IQANK1: variants seen among roughly 807,000 people sequenced by gnomAD.
IQANK1 encodes IQ motif and ankyrin repeat containing 1.
IQANK1 carries 30 observed loss-of-function variants against 22.6 expected under a neutral mutation model. The ratio of observed to expected loss-of-function variants is 1.33; its 90% CI spans 0.99 to 1.80. The LOEUF (loss-of-function observed/expected upper bound fraction) is 1.80. Ranked by LOEUF, IQANK1 falls within the 40% of genes most tolerant of loss-of-function variation. The probability of loss-of-function intolerance (pLI) is 0.00; values close to 1 mark genes in which losing one functional copy is unlikely to be tolerated. For missense variants in IQANK1, 275 were observed against 235.2 expected (o/e 1.17, Z -1.11); for synonymous variants, 122 against 99.6 (o/e 1.23, Z -1.34).
At chr8:143,742,035 G>A (rs548539222) in intron 3 of IQANK1, 236 of 287,480 alleles carry the variant, frequency 8.2e-4, no homozygotes, top group Admixed American at 2.2e-3. Context: ...CAGTCGTGAT[G>A]TCCACGAGCC....
intron 7 of IQANK1, among the ~76,000 whole-genome samples, chr8:143,776,503 G>A (rs1315624710): frequency 6.6e-6 from 1 of 152,116 alleles, no homozygotes; most frequent in Non-Finnish European, 1.5e-5. Flanking sequence ...CTGAAAATAA[G>A]CAAAGTGAGC....
chr8:143,734,753 A>C (rs1291001374), intron 1 of IQANK1, among the ~76,000 whole-genome samples: 1 of 151,936 alleles, frequency 6.6e-6, no homozygotes, highest in East Asian at 1.9e-4. Flanking sequence ...CCCTGTGTAC[A>C]CACAGGGACT....
intron 3 of IQANK1, among the ~76,000 whole-genome samples, chr8:143,756,047 A>C (rs1554628435): frequency 6.6e-6 from 1 of 152,156 alleles, no homozygotes. Context: ...CTCTTGGTAC[A>C]TCTCCCCAAA....
chr8:143,737,927 G>A (rs374372266), intron 2 of IQANK1, among the ~76,000 whole-genome samples: 34 of 152,334 alleles, frequency 2.2e-4, no homozygotes, highest in African/African-American at 7.5e-4. Flanking sequence ...GGCCGGCATG[G>A]GGTCCCCTGC....
chr8:143,738,170 G>C (rs912064042), intron 2 of IQANK1, among the ~76,000 whole-genome samples: 1 of 152,148 alleles, frequency 6.6e-6, no homozygotes, highest in East Asian at 1.9e-4. Flanking sequence ...CTGCCCAGCT[G>C]CCGGCTGGGC....
Position 143,751,689 on chromosome 8 carries a change from C to G in IQANK1, c.175+11741C>G, listed in dbSNP as rs962554984. 2.1e-3 allele frequency among the ~76,000 whole-genome samples: 108 copies of G among 50,252 alleles called. 2 individuals carry two copies. Among genetic ancestry groups the G allele is most frequent in the African/African-American group, 4.4e-3 (103 of 23,458 alleles). The allele number at this position is 50,252 out of a possible 152,430, so 33.0% of individuals were successfully genotyped here. On this transcript the variant is annotated intron_variant, in intron 3 of 13. Coordinates refer to ENST00000527139, the MANE Select transcript of IQANK1 (RefSeq NM_001381874.1). ...GTATATATATATATAAAATCCTATA[C>G]AAAACAGACATAGACTTAGAAGTTA... is the stretch of plus-strand genomic sequence containing the variant.
intron 3 of IQANK1, among the ~76,000 whole-genome samples, chr8:143,764,932 C>T (rs1356128236): frequency 6.6e-6 from 1 of 152,110 alleles, no homozygotes; most frequent in Non-Finnish European, 1.5e-5. Context: ...CACATGTCAC[C>T]AACACTATTG....
In IQANK1 at chr8:143,790,142, CTCT is replaced by C. The variant is rs1302625761; in HGVS notation, c.1297_1299del (p.Leu433del). On this transcript the variant is annotated inframe_deletion, in exon 13 of 14. Coordinates refer to ENST00000527139, the MANE Select transcript of IQANK1 (RefSeq NM_001381874.1). ...GACCTGATGGGTGTCCCCAGGTGGC[CTCT>C]TGTTATTGACCCTTTGGGCCAGGCG... 1 of 1,231,954 alleles carries C rather than the reference CTCT, an allele frequency of 8.1e-7. No homozygotes were observed. The highest frequency in any genetic ancestry group is 1.0e-6 in the Non-Finnish European group (1 of 987,996). 76.3% of individuals were successfully genotyped at this position (1,231,954 alleles called of 1,614,324 possible). A position where few individuals can be genotyped will look rare whatever the true frequency, so the allele number is the denominator to read the frequency against.
intron 7 of IQANK1, among the ~76,000 whole-genome samples, chr8:143,785,024 C>G (rs1554631202): frequency 6.6e-6 from 1 of 152,142 alleles, no homozygotes; most frequent in Non-Finnish European, 1.5e-5. Context: ...AATCCATGCA[C>G]TTTGTCCTTA....
At chr8:143,740,021 G>A in intron 3 of IQANK1, 73 bp downstream of exon 3, 1 of 634,310 alleles carries the variant, frequency 1.6e-6, no homozygotes, top group Non-Finnish European at 2.9e-6. Flanking sequence ...CCTGGCCCGG[G>A]ACACGCTCAG....
chr8:143,742,104 C>T, intron 3 of IQANK1: 1 of 342,586 alleles, frequency 2.9e-6, no homozygotes, highest in Non-Finnish European at 5.8e-6. Context: ...GATGCAGAAC[C>T]TCCCTTTGAG....
At chr8:143,734,945 A>G (rs1818689978) in intron 1 of IQANK1, among the ~76,000 whole-genome samples, 1 of 150,314 alleles carries the variant, frequency 6.7e-6, no homozygotes, top group Admixed American at 6.7e-5. Context: ...GCCCTGCCCT[A>G]CACTGGATCA....
chr8:143,735,264 C>A lies in IQANK1; in HGVS notation c.-4-586C>A, dbSNP rs1228905487. ...GACAGGCTGGGGCAGGCAGGAGGAG[C>A]CTCCCAGGGAAATGAACTTGGGGGT... is the stretch of plus-strand genomic sequence containing the variant. On this transcript the variant is annotated intron_variant, in intron 1 of 13. Transcript: ENST00000527139. The surrounding 1 kb of genome is among the most constrained non-coding windows in gnomAD (Gnocchi z 5.2). 3.3e-5 allele frequency among the ~76,000 whole-genome samples: 5 copies of A among 152,134 alleles called. No individual in the cohort carries two copies. Among genetic ancestry groups the A allele is most frequent in the African/African-American group, 1.2e-4 (5 of 41,422 alleles).
rs539895112 is a variant in IQANK1 at position 143,764,573 on chromosome 8, G to C, written c.176-6915G>C. ...GCCGTGATGGCGTCACTGCACTCCA[G>C]CCTCAGTAACAAAGCAAGACCCTGT... On this transcript the variant is annotated intron_variant, in intron 3 of 13. Coordinates refer to ENST00000527139, the MANE Select transcript of IQANK1 (RefSeq NM_001381874.1). 3.9e-4 allele frequency among the ~76,000 whole-genome samples: 59 copies of C among 152,068 alleles called. 1 individual carries two copies. The highest frequency in any genetic ancestry group is 1.4e-3 in the African/African-American group (56 of 41,460).
intron 3 of IQANK1, among the ~76,000 whole-genome samples, chr8:143,753,310 G>A (rs1819231828): frequency 1.3e-5 from 2 of 151,638 alleles, no homozygotes; most frequent in Non-Finnish European, 2.9e-5. Flanking sequence ...CACCGCACCT[G>A]GCCTTTTTGT....
chr8:143,770,819 C>G (rs1819557362), intron 3 of IQANK1, among the ~76,000 whole-genome samples: 1 of 152,268 alleles, frequency 6.6e-6, no homozygotes, highest in African/African-American at 2.4e-5. Context: ...CTGCAGGTAT[C>G]GTTCCACGTT....
chr8:143,735,985 C>G lies in IQANK1; in HGVS notation c.85+47C>G. 1 of 701,816 alleles carries G rather than the reference C, an allele frequency of 1.4e-6. No individual in the cohort carries two copies. Among genetic ancestry groups the G allele is most frequent in the Non-Finnish European group, 2.6e-6 (1 of 384,444 alleles). 43.5% of individuals were successfully genotyped at this position (701,816 alleles called of 1,614,324 possible). A position where few individuals can be genotyped will look rare whatever the true frequency, so the allele number is the denominator to read the frequency against. On this transcript the variant is annotated intron_variant, in intron 2 of 13. Transcript: ENST00000527139. The surrounding 1 kb of genome is among the most constrained non-coding windows in gnomAD (Gnocchi z 5.2). ...CAGAGCACTGTCACCCAGACACTGA[C>G]CTGTGAGACCTTCTATGTAGCCACC...
chr8:143,748,752 C>CATATAAATATATATAAT (rs1181229817), intron 3 of IQANK1, among the ~76,000 whole-genome samples: 1 of 86,582 alleles, frequency 1.2e-5, no homozygotes, highest in African/African-American at 5.7e-5. Context: ...AAATATATAT[C>CATATAAATATATATAAT]ATATAAATAT....
Position 143,788,950 on chromosome 8 carries a change from C to T in IQANK1, c.825C>T (p.Arg275=), listed in dbSNP as rs1205251094. 2 of 399,198 alleles carry T rather than the reference C, an allele frequency of 5.0e-6. No homozygotes were observed. The highest frequency in any genetic ancestry group is 4.1e-5 in the African/African-American group (2 of 48,652). The allele number at this position is 399,198 out of a possible 1,614,324, so 24.7% of individuals were successfully genotyped here. A position where few individuals can be genotyped will look rare whatever the true frequency, so the allele number is the denominator to read the frequency against. The change falls in exon 8 of 14, where the codon CGC becomes CGT. Residue 275 remains arginine, a synonymous_variant. Coordinates refer to ENST00000527139, the MANE Select transcript of IQANK1 (RefSeq NM_001381874.1). ...ASLDTVVSVL[R]SWDLSLTEAM... Reference sequence around the variant, plus strand: ...TGGACACAGTGGTGAGCGTGCTGCGCTCGTGGGACCTGAGCCTCACGGAGG... The same window carrying T: ...TGGACACAGTGGTGAGCGTGCTGCGTTCGTGGGACCTGAGCCTCACGGAGG...
Sources: gnomAD v4.1 joint callset for allele counts (sites outside exome capture counted in the v4.1 genomes callset) on GRCh38, gnomAD v4.1.1 for gene constraint, Gnocchi (gnomAD v3.1) non-coding constraint, MANE v1.5 for transcripts, NCBI Gene and HGNC (gene_info 2026-07-23, HGNC 2026-07-21) for gene names.